Variants in CD72 observed in about 807,000 individuals in gnomAD.
The protein encoded by CD72 is CD72 molecule, also known as B-cell differentiation antigen CD72.
A neutral mutation model predicts 50.7 loss-of-function variants in CD72; 28 were observed. The ratio of observed to expected loss-of-function variants is 0.55; its 90% CI spans 0.41 to 0.76. The LOEUF is 0.76. Ranked by LOEUF, CD72 falls within the 30% of genes least tolerant of loss-of-function variation. CD72 has a pLI of 0.00. For missense variants in CD72, 403 were observed against 420.6 expected, an observed-to-expected ratio of 0.96 and a Z score of 0.37; for synonymous variants, 176 against 171.2, an observed-to-expected ratio of 1.03 and a Z score of -0.22.
chr9:35,624,249 AT>A (rs1823175008), upstream of CD72, among the ~76,000 whole-genome samples: 1 of 146,128 alleles, frequency 6.8e-6, no homozygotes, highest in African/African-American at 2.5e-5. Context: ...AATAATAATA[AT>A]AATAATAATA....
At chr9:35,641,425 T>A (rs1823338972) in intron 1 of CD72, among the ~76,000 whole-genome samples, 1 of 152,240 alleles carries the variant, frequency 6.6e-6, no homozygotes, top group Non-Finnish European at 1.5e-5. Context: ...AGGCCCTGAC[T>A]ATCTGCTTGA....
chr9:35,629,082 GCCC>G (rs1229451133), intron 1 of CD72, among the ~76,000 whole-genome samples: 8 of 151,724 alleles, frequency 5.3e-5, no homozygotes, highest in Non-Finnish European at 1.5e-5. Context: ...CTCTCTAGTT[GCCC>G]AGGTTGGTCT....
At position 35,616,702 on chromosome 9, in the gene CD72, G is replaced by A; in HGVS notation, c.263-13C>T. 1 of 1,606,630 alleles carries A rather than the reference G, an allele frequency of 6.2e-7. No homozygotes were observed. Among genetic ancestry groups the A allele is most frequent in the Non-Finnish European group, 8.5e-7 (1 of 1,174,268 alleles). On this transcript the variant is annotated splice_polypyrimidine_tract_variant and intron_variant, in intron 3 of 8. Coordinates refer to ENST00000259633, the MANE Select transcript of CD72 (RefSeq NM_001782.3). ...CAGGTTGTGCGGCCTTAGGGGGACA[G>A]TGGGATGGATGAGGGCAGTCAGCCC...
At chr9:35,619,765 C>A (rs948432004), upstream of CD72, among the ~76,000 whole-genome samples, 1 of 152,186 alleles carries the variant, frequency 6.6e-6, no homozygotes, top group Admixed American at 6.5e-5. Flanking sequence ...GAGGAGGAAG[C>A]CTTCTGTGGG....
At chr9:35,634,898 A>G (rs1313819077) in intron 1 of CD72, among the ~76,000 whole-genome samples, 2 of 151,986 alleles carry the variant, frequency 1.3e-5, no homozygotes, top group Non-Finnish European at 1.5e-5. Flanking sequence ...GTTGCTCCCC[A>G]CTGGTTTCTT....
At chr9:35,612,688 G>GT (rs1823004862) in intron 6 of CD72, 160 bp downstream of exon 6, 4 of 677,988 alleles carry the variant, frequency 5.9e-6, no homozygotes, top group Non-Finnish European at 1.0e-5. Context: ...TGCAGAGGTT[G>GT]TTTCCAAGCT....
Position 35,618,287 on chromosome 9 carries a change from G to A in CD72, c.17C>T (p.Thr6Ile). The A allele has an allele frequency of 1.2e-6, 2 of 1,614,110 alleles. No homozygotes were observed. Among genetic ancestry groups the A allele is most frequent in the South Asian group, 1.1e-5 (1 of 91,080 alleles). MAEAI[T>I]YADLRFVKAP... ...CTTCACAAACCTCAGATCTGCATAG[G>A]TGATGGCCTCAGCCATGGTCCTGAG... is the stretch of plus-strand genomic sequence containing the variant. The change falls in exon 1 of 9, where the codon ACC (threonine) becomes ATC (isoleucine). Residue 6 changes from threonine to isoleucine, a missense_variant. Thr to Ile is a moderately conservative substitution (Grantham distance 89, BLOSUM62 -1). Transcript: ENST00000259633.
rs549478312 is a variant in CD72 at position 35,616,132 on chromosome 9, T to C, written c.499A>G (p.Ser167Gly). ...TGTTCCACCTGTAGTGCTTCCTGAC[T>C]CTGCGCCAGCTCTCTCCTGGACCCC... is the stretch of plus-strand genomic sequence containing the variant. The part of the protein sequence containing the change: ...LQGSRRELAQ[S>G]QEALQVEQRA... The change falls in exon 5 of 9, where the codon AGT (serine) becomes GGT (glycine). Residue 167 changes from serine (S) to glycine (G), a missense_variant. By Grantham distance (56) the Ser-to-Gly change is moderately conservative. Transcript: ENST00000259633. 6.2e-7 allele frequency: 1 copy of C among 1,614,168 alleles called. No homozygotes were observed. Among genetic ancestry groups the C allele is most frequent in the Non-Finnish European group, 8.5e-7 (1 of 1,180,034 alleles).
upstream of CD72, among the ~76,000 whole-genome samples, chr9:35,622,288 T>C (rs1323083454): frequency 6.6e-6 from 1 of 152,190 alleles, no homozygotes; most frequent in Non-Finnish European, 1.5e-5. Flanking sequence ...TTGGATTTCT[T>C]TGATCACTGA....
In CD72 at chr9:35,616,155, C is replaced by A. The variant is rs1405485711; in HGVS notation, c.476G>T (p.Gly159Val). 6 of 1,614,004 alleles carry A rather than the reference C, an allele frequency of 3.7e-6. No homozygotes were observed. The highest frequency in any genetic ancestry group is 1.3e-5 in the African/African-American group (1 of 74,912). The stretch of plus-strand genomic sequence containing the variant: ...ACTCTGCGCCAGCTCTCTCCTGGAC[C>A]CCTGCAGATCCTCTGCACTCTGTCC... ...QLGQSAEDLQGSRRELAQSQE... is the reference protein window; with the variant it reads ...QLGQSAEDLQVSRRELAQSQE... The change falls in exon 5 of 9, where the codon GGG becomes GTG. Residue 159 changes from glycine to valine, a missense_variant. By Grantham distance (109) the Gly-to-Val change is moderately radical. Transcript: ENST00000259633.
At chr9:35,631,946 A>G (rs1823250145) in intron 1 of CD72, among the ~76,000 whole-genome samples, 1 of 152,168 alleles carries the variant, frequency 6.6e-6, no homozygotes, top group Non-Finnish European at 1.5e-5. Flanking sequence ...ATTATTATTT[A>G]AGGTTAGAAA....
At chr9:35,637,134 C>T (rs1285746334) in intron 1 of CD72, among the ~76,000 whole-genome samples, 4 of 152,114 alleles carry the variant, frequency 2.6e-5, no homozygotes, top group South Asian at 2.1e-4. Context: ...CGCTTGAGAA[C>T]GTACTTTGTA....
intron 4 of CD72, 136 bp downstream of exon 4, chr9:35,616,464 C>T (rs1823065690): frequency 1.1e-6 from 1 of 884,720 alleles, no homozygotes; most frequent in African/African-American, 1.6e-5. Context: ...GACAACAGCC[C>T]TGGCTGGAAA....
At chr9:35,638,461 C>T (rs1268674389) in intron 1 of CD72, among the ~76,000 whole-genome samples, 19 of 152,154 alleles carry the variant, frequency 1.2e-4, no homozygotes, top group Non-Finnish European at 2.9e-5. Flanking sequence ...GCGACTAGCT[C>T]TCCCCCACCT....
upstream of CD72, chr9:35,618,804 G>A (rs1823109367): frequency 7.8e-7 from 1 of 1,283,678 alleles, no homozygotes; most frequent in East Asian, 5.6e-5. Flanking sequence ...GGGGTTCCTG[G>A]TTTGCATCCC....
upstream of CD72, chr9:35,618,618 A>G: frequency 1.7e-6 from 1 of 600,644 alleles, no homozygotes; most frequent in East Asian, 4.6e-5. Flanking sequence ...TGCATCTTAA[A>G]CCCATATGGG....
chr9:35,612,397 C>T (rs1341438890), intron 6 of CD72, among the ~76,000 whole-genome samples: 1 of 152,088 alleles, frequency 6.6e-6, no homozygotes, highest in Non-Finnish European at 1.5e-5. Flanking sequence ...CCAGCCTGAC[C>T]AATATGGTGA....
chr9:35,634,968 T>A (rs1312296717), intron 1 of CD72, among the ~76,000 whole-genome samples: 1 of 152,316 alleles, frequency 6.6e-6, no homozygotes, highest in South Asian at 2.1e-4. Context: ...TTTATTAGAG[T>A]CTCTTCTCAA....
chr9:35,611,112 A>G (rs370626384), intron 7 of CD72, among the ~76,000 whole-genome samples: 15 of 152,290 alleles, frequency 9.8e-5, no homozygotes, highest in Middle Eastern at 3.4e-3. Context: ...TTAGCCGGGC[A>G]TGGCGGTGTG....
Sources: allele counts gnomAD v4.1 joint callset (sites outside exome capture counted in the v4.1 genomes callset), GRCh38; gene constraint gnomAD v4.1.1; transcripts MANE v1.5; gene names NCBI Gene and HGNC (gene_info 2026-07-23, HGNC 2026-07-21).